The following MPPED2 variants were observed in gnomAD, a reference collection of about 807,000 sequenced individuals.
MPPED2 encodes metallophosphoesterase domain containing 2, also known as metallophosphoesterase MPPED2.
MPPED2 carries 5 observed loss-of-function variants against 33.0 expected under a neutral mutation model. That is an observed-to-expected ratio of 0.15 (90% CI 0.08 to 0.32). MPPED2 has a LOEUF of 0.32. MPPED2 is among the 10% of genes least tolerant of loss of function. The pLI is 1.00. For missense variants in MPPED2, 275 were observed against 372.1 expected, an observed-to-expected ratio of 0.74 and a Z score of 2.15; for synonymous variants, 136 against 141.9, an observed-to-expected ratio of 0.96 and a Z score of 0.29.
At chr11:30,532,835 G>T (rs1204121161) in intron 3 of MPPED2, among the ~76,000 whole-genome samples, 1 of 152,174 alleles carries the variant, frequency 6.6e-6, no homozygotes, top group Non-Finnish European at 1.5e-5. Context: ...GACTTTGCCT[G>T]TTACTCCTAC....
At chr11:30,441,435 G>A (rs1193486192) in intron 4 of MPPED2, 1 of 152,186 alleles carries the variant, frequency 6.6e-6, no homozygotes, top group East Asian at 1.9e-4. Flanking sequence ...AATGGAACAA[G>A]TGAGAGGTCA....
intron 3 of MPPED2, among the ~76,000 whole-genome samples, chr11:30,518,230 C>T (rs776056493): frequency 1.3e-5 from 2 of 152,190 alleles, no homozygotes; most frequent in East Asian, 3.9e-4. Context: ...TGCTGCCCAA[C>T]ATGCACCCAC....
intron 3 of MPPED2, among the ~76,000 whole-genome samples, chr11:30,503,562 A>G (rs145252940): frequency 2.1e-3 from 323 of 152,174 alleles, no homozygotes; most frequent in African/African-American, 7.0e-3. Context: ...ACTATCTCCT[A>G]TTTACTCCTG....
At chr11:30,523,434 T>C (rs1953983783) in intron 3 of MPPED2, among the ~76,000 whole-genome samples, 2 of 152,054 alleles carry the variant, frequency 1.3e-5, no homozygotes, top group South Asian at 2.1e-4. Flanking sequence ...TGGAAATGCA[T>C]TGGGAGGCCT....
chr11:30,582,154 A>C (rs908606639), intron 1 of MPPED2, among the ~76,000 whole-genome samples: 4 of 152,230 alleles, frequency 2.6e-5, no homozygotes, highest in African/African-American at 7.2e-5. Flanking sequence ...ACCTGCTTCA[A>C]ATTGCAGTCC....
intron 3 of MPPED2, among the ~76,000 whole-genome samples, chr11:30,518,791 T>C (rs757506388): frequency 3.3e-5 from 5 of 152,212 alleles, no homozygotes; most frequent in Middle Eastern, 3.2e-3. Context: ...ATAGAAGTCC[T>C]TCCTGCCTTC....
At chr11:30,424,249 C>T (rs371311002) in intron 4 of MPPED2, among the ~76,000 whole-genome samples, 3 of 152,098 alleles carry the variant, frequency 2.0e-5, no homozygotes, top group Admixed American at 6.6e-5. Context: ...AGAGGTTCAC[C>T]GAAGGAATTG....
chr11:30,506,095 T>G (rs1952813005), intron 3 of MPPED2, among the ~76,000 whole-genome samples: 1 of 152,128 alleles, frequency 6.6e-6, no homozygotes, highest in East Asian at 1.9e-4. Context: ...GAGAGTGCAG[T>G]GGCGCGATTT....
At chr11:30,455,632 T>C (rs1182466410) in intron 4 of MPPED2, among the ~76,000 whole-genome samples, 3 of 152,242 alleles carry the variant, frequency 2.0e-5, no homozygotes, top group African/African-American at 7.2e-5. Context: ...CAACTTACGC[T>C]TTCCTCCCCA....
At chr11:30,551,082 T>C (rs1033554247) in intron 2 of MPPED2, among the ~76,000 whole-genome samples, 2 of 152,192 alleles carry the variant, frequency 1.3e-5, no homozygotes, top group African/African-American at 2.4e-5. Context: ...ATTATTCCCA[T>C]TGGAGTCTAA....
intron 4 of MPPED2, chr11:30,441,392 A>G (rs1240368636): frequency 6.6e-6 from 1 of 152,186 alleles, no homozygotes; most frequent in Non-Finnish European, 1.5e-5. Flanking sequence ...CCATGACACA[A>G]TCAAGATCAT....
intron 2 of MPPED2, among the ~76,000 whole-genome samples, chr11:30,542,915 A>T (rs559120860): frequency 6.6e-6 from 1 of 152,202 alleles, no homozygotes; most frequent in Non-Finnish European, 1.5e-5. Context: ...AAATGACAAA[A>T]TACTGGCAAA....
Position 30,520,590 on chromosome 11 carries a change from T to G in MPPED2, c.310+15404A>C, listed in dbSNP as rs184337812. 3.4e-4 allele frequency among the ~76,000 whole-genome samples: 52 copies of G among 152,340 alleles called. 1 individual carries two copies. Among genetic ancestry groups the G allele is most frequent in the African/African-American group, 1.2e-3 (48 of 41,580 alleles). On this transcript the variant is annotated intron_variant, in intron 3 of 6. Transcript: ENST00000358117. ...TTTGTCACCTATGACTTTTTGATAT[T>G]GTCTTATATGTCATTTTCATATACA...
At position 30,535,970 on chromosome 11, in the gene MPPED2, C is replaced by A. The variant is rs556635220; in HGVS notation, c.310+24G>T. On this transcript the variant is annotated intron_variant, in intron 3 of 6. Coordinates refer to ENST00000358117, the MANE Select transcript of MPPED2 (RefSeq NM_001584.3). ...TCGGACGGGAAAGGTTAATTGGGGC[C>A]GCCAGAACGCAATCATTCCTTACCT... 36 of 1,561,292 alleles carry A rather than the reference C, an allele frequency of 2.3e-5. No homozygotes were observed. In the Middle Eastern group the frequency reaches 7.9e-4, roughly 34 times the overall value.
chr11:30,526,974 G>C (rs1045571786), intron 3 of MPPED2, among the ~76,000 whole-genome samples: 11 of 124,848 alleles, frequency 8.8e-5, no homozygotes, highest in African/African-American at 1.4e-4. Context: ...GCCCAGGCTA[G>C]AGTGCAGTGG....
chr11:30,456,566 CTG>C (rs1950287671), intron 4 of MPPED2, among the ~76,000 whole-genome samples: 1 of 151,486 alleles, frequency 6.6e-6, no homozygotes, highest in Non-Finnish European at 1.5e-5. Flanking sequence ...GTGTGTGTGT[CTG>C]TGTGTGTGTA....
chr11:30,456,816 T>C (rs758465559), intron 4 of MPPED2, among the ~76,000 whole-genome samples: 6 of 152,170 alleles, frequency 3.9e-5, no homozygotes, highest in Non-Finnish European at 8.8e-5. Context: ...CCCTTTACAC[T>C]AGCACTGTCT....
At chr11:30,427,615 T>A (rs767526272) in intron 4 of MPPED2, among the ~76,000 whole-genome samples, 9 of 149,472 alleles carry the variant, frequency 6.0e-5, no homozygotes, top group Non-Finnish European at 1.3e-4. Context: ...AGAATGAATG[T>A]TCATGAAGAG....
At chr11:30,477,694 GT>G (rs764009814) in intron 4 of MPPED2, among the ~76,000 whole-genome samples, 45 of 152,004 alleles carry the variant, frequency 3.0e-4, no homozygotes, top group South Asian at 8.3e-4. Context: ...TTTTTGTTAG[GT>G]TTTGGTATTA....
Sources: gnomAD v4.1 joint callset for allele counts (sites outside exome capture counted in the v4.1 genomes callset) on GRCh38, gnomAD v4.1.1 for gene constraint, MANE v1.5 for transcripts, NCBI Gene and HGNC (gene_info 2026-07-23, HGNC 2026-07-21) for gene names.